Variants in FOCAD observed in about 807,000 individuals in gnomAD.
FOCAD encodes the protein focadhesin, also known as KIAA1797.
Under a neutral mutation model 225.6 loss-of-function variants are expected in FOCAD, and 198 were observed. That is an observed-to-expected ratio of 0.88 (90% CI 0.78 to 0.99). The LOEUF (loss-of-function observed/expected upper bound fraction) is 0.99. Among genes scored for constraint, FOCAD ranks in the 50% least tolerant of loss-of-function variants. FOCAD has a pLI of 0.00. For synonymous variants in FOCAD, 897 were observed against 755.0 expected (o/e 1.19, Z -3.08); for missense variants, 2,713 against 2,123.6 (o/e 1.28, Z -5.46).
In FOCAD at chr9:20,810,592, T is replaced by A. The variant is rs188611316; in HGVS notation, c.1456-9204T>A. 3.7e-3 allele frequency among the ~76,000 whole-genome samples: 568 copies of A among 152,276 alleles called. 3 individuals are homozygous for A. The highest frequency in any genetic ancestry group is 0.013 in the African/African-American group (543 of 41,574). On this transcript the variant is annotated intron_variant, in intron 11 of 43. Transcript: ENST00000338382. ...ATCATTTATGTAAGTTTCAGAATGT[T>A]AGCAATGGATATAACTGTTGATTAT...
intron 11 of FOCAD, among the ~76,000 whole-genome samples, chr9:20,812,070 C>G (rs1442222081): frequency 6.6e-6 from 1 of 151,950 alleles, no homozygotes; most frequent in Non-Finnish European, 1.5e-5. Flanking sequence ...AGTGAGTCAG[C>G]ATTTGTTGAA....
rs143838457 is a variant in FOCAD, at chr9:20,891,249, A to G, written c.2625+6019A>G. Among the ~76,000 whole-genome samples, 14 of 152,288 alleles carry G rather than the reference A, an allele frequency of 9.2e-5. No homozygotes were observed. In the East Asian group the frequency reaches 2.5e-3, roughly 27 times the overall value. Reference sequence around the variant, plus strand: ...GGGCCTCCCTATTCTCTGAGACACAACAATATTGAAATTAGGCCAATTAAT... The same window carrying G: ...GGGCCTCCCTATTCTCTGAGACACAGCAATATTGAAATTAGGCCAATTAAT... On this transcript the variant is annotated intron_variant, in intron 21 of 43. Coordinates refer to ENST00000338382, the MANE Select transcript of FOCAD (RefSeq NM_001375567.1).
At chr9:20,804,011 A>G (rs1356578984) in intron 11 of FOCAD, among the ~76,000 whole-genome samples, 1 of 152,118 alleles carries the variant, frequency 6.6e-6, no homozygotes, top group Non-Finnish European at 1.5e-5. Context: ...TGTGGAGATA[A>G]TCTCAAGTTT....
At position 20,866,917 on chromosome 9, in the gene FOCAD, T is replaced by TTTTTTAAA; in HGVS notation, c.2107-12_2107-11insTTTTTAAA. 2 of 764,968 alleles carry TTTTTTAAA rather than the reference T, an allele frequency of 2.6e-6. No homozygotes were observed. Among genetic ancestry groups the TTTTTTAAA allele is most frequent in the Non-Finnish European group, 4.0e-6 (2 of 498,464 alleles). The allele number at this position is 764,968 out of a possible 1,614,324, so 47.4% of individuals were successfully genotyped here. On this transcript the variant is annotated splice_polypyrimidine_tract_variant and intron_variant, in intron 17 of 43. Coordinates refer to ENST00000338382, the MANE Select transcript of FOCAD (RefSeq NM_001375567.1). ...TTTTTTTTTTTTTTTTTTTTTTTTT[T>TTTTTTAAA]ACCCTATCTAGGACCCAATTGTAGC... is the stretch of plus-strand genomic sequence containing the variant.
intron 15 of FOCAD, among the ~76,000 whole-genome samples, chr9:20,830,216 CCTT>C (rs1314636337): frequency 6.6e-6 from 1 of 151,864 alleles, no homozygotes; most frequent in Non-Finnish European, 1.5e-5. Context: ...TTTTTTCTGT[CCTT>C]CTCCATTTCC....
intron 15 of FOCAD, among the ~76,000 whole-genome samples, chr9:20,845,765 G>GT (rs1290612854): frequency 4.6e-5 from 7 of 151,922 alleles, no homozygotes; most frequent in South Asian, 4.2e-4. Flanking sequence ...TAGGATATAA[G>GT]TTTTTTTTAT....
At position 20,835,332 on chromosome 9, in the gene FOCAD, C is replaced by T. The variant is rs538763324; in HGVS notation, c.1920+12217C>T. On this transcript the variant is annotated intron_variant, in intron 15 of 43. Coordinates refer to ENST00000338382, the MANE Select transcript of FOCAD (RefSeq NM_001375567.1). ...AGTCTAAGTAACATACCCAAATTAACTTGGAAATGTGTTGTAACATGGAGA... is the reference window on the plus strand; with the variant it reads ...AGTCTAAGTAACATACCCAAATTAATTTGGAAATGTGTTGTAACATGGAGA... 9.9e-5 allele frequency among the ~76,000 whole-genome samples: 15 copies of T among 152,144 alleles called. No individual in the cohort carries two copies. The South Asian group carries it at 3.1e-3, about 32-fold the overall frequency.
chr9:20,733,504 C>T (rs1424435634), intron 4 of FOCAD, among the ~76,000 whole-genome samples: 2 of 152,116 alleles, frequency 1.3e-5, no homozygotes, highest in East Asian at 3.8e-4. Flanking sequence ...TATCCCTCCC[C>T]ACTCCCTCCA....
chr9:20,804,275 T>C (rs1010022407), intron 11 of FOCAD, among the ~76,000 whole-genome samples: 2 of 152,094 alleles, frequency 1.3e-5, no homozygotes, highest in African/African-American at 4.8e-5. Flanking sequence ...TAATCAAGTA[T>C]GCCCATTCTG....
upstream of FOCAD, among the ~76,000 whole-genome samples, chr9:20,681,825 C>G (rs1019596260): frequency 3.3e-5 from 5 of 152,226 alleles, no homozygotes; most frequent in Admixed American, 1.3e-4. Flanking sequence ...CATGGACTTC[C>G]AGCTTAACCC....
chr9:20,945,772 T>G (rs1837111492), intron 29 of FOCAD, among the ~76,000 whole-genome samples: 1 of 152,218 alleles, frequency 6.6e-6, no homozygotes, highest in African/African-American at 2.4e-5. Context: ...AGCAGTTTTT[T>G]TTTCTCCCCT....
chr9:20,980,983 G>A (rs1185009088), intron 37 of FOCAD, among the ~76,000 whole-genome samples: 2 of 152,134 alleles, frequency 1.3e-5, no homozygotes, highest in Non-Finnish European at 2.9e-5. Context: ...TTTTTTCTCA[G>A]AAGAAGAAAT....
intron 4 of FOCAD, among the ~76,000 whole-genome samples, chr9:20,729,512 T>G (rs1472692461): frequency 2.6e-5 from 4 of 152,204 alleles, no homozygotes; most frequent in African/African-American, 9.6e-5. Flanking sequence ...TAAGGTCACA[T>G]TCATAGGTAC....
intron 4 of FOCAD, among the ~76,000 whole-genome samples, chr9:20,726,924 G>A (rs1237178376): frequency 6.6e-6 from 1 of 152,146 alleles, no homozygotes; most frequent in Non-Finnish European, 1.5e-5. Context: ...AACCAAGGAA[G>A]GATGCCTTTA....
intron 8 of FOCAD, among the ~76,000 whole-genome samples, chr9:20,774,955 T>C (rs1375911864): frequency 6.6e-6 from 1 of 152,202 alleles, no homozygotes. Context: ...AAAATTAATT[T>C]GTGAACATAT....
In FOCAD at chr9:20,986,298, A is replaced by G. The variant is rs1429376944; in HGVS notation, c.4739A>G (p.Glu1580Gly). The change falls in exon 40 of 44, where the codon GAA becomes GGA. Residue 1580 changes from glutamate to glycine, a missense_variant. Coordinates refer to ENST00000338382, the MANE Select transcript of FOCAD (RefSeq NM_001375567.1). ...TTTTTTTTTTTGCAGAGCAACATAG[A>G]AAAAGCTGCCTTTGTCAAACTGTAC... Reference protein sequence around the residue: ...RIAQVTKSNIEKAAFVKLYLV... With the variant: ...RIAQVTKSNIGKAAFVKLYLV... 5 of 533,548 alleles carry G rather than the reference A, an allele frequency of 9.4e-6. No individual in the cohort carries two copies. Among genetic ancestry groups the G allele is most frequent in the African/African-American group, 5.1e-5 (1 of 19,430 alleles). 33.1% of individuals were successfully genotyped at this position (533,548 alleles called of 1,614,324 possible).
chr9:20,965,312 A>C (rs926309570), intron 35 of FOCAD, among the ~76,000 whole-genome samples: 2 of 152,320 alleles, frequency 1.3e-5, no homozygotes, highest in South Asian at 2.1e-4. Context: ...TCTGACTTCA[A>C]CTGACTCACA....
rs1824119345 is a variant in FOCAD, at chr9:20,819,776, A to G, written c.1456-20A>G. The G allele has an allele frequency of 2.8e-5, 38 of 1,377,962 alleles. No individual in the cohort carries two copies. In the East Asian group the frequency reaches 9.1e-4, roughly 33 times the overall value. The allele number at this position is 1,377,962 out of a possible 1,614,324, so 85.4% of individuals were successfully genotyped here. ...TTTTGTAACAAGGCATATTTAATAT[A>G]TTTTAAAAATTCATTTTAGGTGCCA... On this transcript the variant is annotated intron_variant, in intron 11 of 43. Coordinates refer to ENST00000338382, the MANE Select transcript of FOCAD (RefSeq NM_001375567.1).
intron 11 of FOCAD, among the ~76,000 whole-genome samples, chr9:20,793,945 A>G (rs1820800195): frequency 6.6e-6 from 1 of 152,140 alleles, no homozygotes; most frequent in African/African-American, 2.4e-5. Context: ...CCATACTTGT[A>G]CCGTGGCCAG....
Sources: allele counts gnomAD v4.1 joint callset (sites outside exome capture counted in the v4.1 genomes callset), GRCh38; gene constraint gnomAD v4.1.1; transcripts MANE v1.5; gene names NCBI Gene and HGNC (gene_info 2026-07-23, HGNC 2026-07-21).